The following PHF3 variants were observed in gnomAD, a reference collection of about 807,000 sequenced individuals.
PHF3 encodes PHD finger protein 3.
Under a neutral mutation model 178.4 loss-of-function variants are expected in PHF3, and 41 were observed. The observed-to-expected ratio is 0.23, with a 90% CI of 0.18 to 0.30. The LOEUF (loss-of-function observed/expected upper bound fraction) is 0.30. Among genes scored for constraint, PHF3 ranks in the 10% least tolerant of loss-of-function variants. The pLI, the probability that PHF3 is intolerant of heterozygous loss-of-function variation, is 1.00. For synonymous variants in PHF3, 842 were observed against 800.5 expected, an observed-to-expected ratio of 1.05 and a Z score of -0.88; for missense variants, 2,346 against 2,398.1, an observed-to-expected ratio of 0.98 and a Z score of 0.45.
At chr6:63,658,209 G>A (rs1765317667) in intron 2 of PHF3, among the ~76,000 whole-genome samples, 1 of 152,150 alleles carries the variant, frequency 6.6e-6, no homozygotes, top group South Asian at 2.1e-4. Context: ...AGTTAGACAA[G>A]GTTGTTCACA....
chr6:63,654,704 C>T lies in PHF3; in HGVS notation c.244+7909C>T, dbSNP rs932358399. Among the ~76,000 whole-genome samples the T allele has an allele frequency of 2.4e-4, 37 of 152,042 alleles. 3 individuals carry two copies. On this transcript the variant is annotated intron_variant, in intron 2 of 15. Coordinates refer to ENST00000262043, the MANE Select transcript of PHF3 (RefSeq NM_001370348.2). ...GAATAAAAGGGAAAGACCTAGGTCC[C>T]TTAGGCAGCAGTTAGAGGGAGGCAG...
chr6:63,669,678 A>G (rs541216391), intron 2 of PHF3, among the ~76,000 whole-genome samples: 85 of 152,308 alleles, frequency 5.6e-4, no homozygotes, highest in African/African-American at 1.9e-3. Context: ...TTCTTGAGGA[A>G]GGCTCTAGAG....
chr6:63,710,358 TTACTC>T (rs1485839394), intron 14 of PHF3, among the ~76,000 whole-genome samples: 1 of 152,184 alleles, frequency 6.6e-6, no homozygotes, highest in Non-Finnish European at 1.5e-5. Context: ...ATGGTGATTT[TTACTC>T]TAAAAGAGGG....
chr6:63,643,746 A>T (rs758527557), intron 1 of PHF3, among the ~76,000 whole-genome samples: 11 of 152,256 alleles, frequency 7.2e-5, no homozygotes, highest in Non-Finnish European at 1.5e-4. Flanking sequence ...TTCATAAGTC[A>T]TAATAGTTTT....
rs1489317884 is a variant in PHF3, at chr6:63,715,955, T to G, written c.*2247T>G. On this transcript the variant is annotated 3_prime_UTR_variant, in exon 16 of 16. Transcript: ENST00000262043. ...CCTGTTTTAAGAAAAAACCTGCTCT[T>G]TAAAAAAAGTTTTACACTTAAAAAA... 1.3e-5 allele frequency among the ~76,000 whole-genome samples: 2 copies of G among 152,050 alleles called. No homozygotes were observed.
Position 63,715,482 on chromosome 6 carries a change from T to C in PHF3, c.*1774T>C, listed in dbSNP as rs1035703559. The C allele has an allele frequency of 1.3e-5, 2 of 152,192 alleles. No homozygotes were observed. Among genetic ancestry groups the C allele is most frequent in the African/African-American group, 2.4e-5 (1 of 41,466 alleles). 9.4% of individuals were successfully genotyped at this position (152,192 alleles called of 1,614,324 possible). ...GTCAATAAATCTACCTTTACTGATA[T>C]ATCTGGTTGAGGGAATATCAGACTC... On this transcript the variant is annotated 3_prime_UTR_variant, in exon 16 of 16. Coordinates refer to ENST00000262043, the MANE Select transcript of PHF3 (RefSeq NM_001370348.2).
intron 12 of PHF3, 136 bp downstream of exon 12, chr6:63,706,360 T>A: frequency 1.5e-6 from 1 of 647,660 alleles, no homozygotes. Context: ...TCCTGTACTT[T>A]GAGATAAAAC....
In PHF3 at chr6:63,722,922, G is replaced by A. The variant is rs979454986; in HGVS notation, c.*9214G>A. Among the ~76,000 whole-genome samples, 1 of 152,168 alleles carries A rather than the reference G, an allele frequency of 6.6e-6. No individual in the cohort carries two copies. Among genetic ancestry groups the A allele is most frequent in the Non-Finnish European group, 1.5e-5 (1 of 68,026 alleles). On this transcript the variant is annotated 3_prime_UTR_variant, in exon 16 of 16. Coordinates refer to ENST00000262043, the MANE Select transcript of PHF3 (RefSeq NM_001370348.2). ...AGGGAATTTTTAGTGAGTATACTATGTCGTTACATATGTGATATTTGGTTA... is the reference window on the plus strand; with the variant it reads ...AGGGAATTTTTAGTGAGTATACTATATCGTTACATATGTGATATTTGGTTA...
chr6:63,690,660 G>A (rs934127260), intron 4 of PHF3, among the ~76,000 whole-genome samples: 1 of 152,082 alleles, frequency 6.6e-6, no homozygotes. Context: ...GATTGTTAAA[G>A]TACATACCTA....
Position 63,700,464 on chromosome 6 carries a change from C to T in PHF3, c.3097C>T (p.His1033Tyr). 1 of 1,484,346 alleles carries T rather than the reference C, an allele frequency of 6.7e-7. No homozygotes were observed. Among genetic ancestry groups the T allele is most frequent in the Non-Finnish European group, 9.4e-7 (1 of 1,068,552 alleles). The allele number at this position is 1,484,346 out of a possible 1,614,324, so 91.9% of individuals were successfully genotyped here. Residue 1033 changes from histidine (H) to tyrosine (Y), a missense_variant and splice_region_variant, in exon 9 of 16, where the codon CAT becomes TAT. His to Tyr is a moderately conservative substitution (Grantham distance 83, BLOSUM62 2). This residue lies in a region of PHF3 where 45 missense variants were observed against 87.9 expected (regional missense o/e 0.51). Transcript: ENST00000262043. The part of the protein sequence containing the change: ...LAAWRRRENR[H>Y]TIEMIEKEQR... ...TGCTTGGAGACGAAGAGAAAACAGACATGTAAGATTATCTATAAATATGCA... is the reference window on the plus strand; with the variant it reads ...TGCTTGGAGACGAAGAGAAAACAGATATGTAAGATTATCTATAAATATGCA...
Position 63,646,806 on chromosome 6 carries a change from CTTTTTTTTTTTTTT to C in PHF3, c.244+20_244+33del. The stretch of plus-strand genomic sequence containing the variant: ...TGCCTTGTTCAACAGGTAATTCTTA[CTTTTTTTTTTTTTT>C]TTTTTTTTAGTCTGCAATTTAAAAT... On this transcript the variant is annotated intron_variant, in intron 2 of 15. Transcript: ENST00000262043. 9.9e-7 allele frequency: 1 copy of C among 1,013,308 alleles called. No homozygotes were observed. The highest frequency in any genetic ancestry group is 1.2e-6 in the Non-Finnish European group (1 of 830,330). 62.8% of individuals were successfully genotyped at this position (1,013,308 alleles called of 1,614,324 possible). A position where few individuals can be genotyped will look rare whatever the true frequency, so the allele number is the denominator to read the frequency against.
At chr6:63,705,948 A>G (rs1189751071) in intron 11 of PHF3, 81 bp from the exon 12 acceptor site, 14 of 1,073,846 alleles carry the variant, frequency 1.3e-5, no homozygotes, top group Non-Finnish European at 1.8e-5. Flanking sequence ...TAGAACCTGA[A>G]TAACTTTAGA....
At chr6:63,680,834 CAG>C (rs1398990080) in intron 3 of PHF3, among the ~76,000 whole-genome samples, 1 of 152,112 alleles carries the variant, frequency 6.6e-6, no homozygotes. Flanking sequence ...CTTATGTAGA[CAG>C]ACTCCTGTTA....
chr6:63,683,254 A>G (rs770068794), intron 3 of PHF3, among the ~76,000 whole-genome samples: 27 of 151,816 alleles, frequency 1.8e-4, no homozygotes, highest in African/African-American at 6.3e-4. Flanking sequence ...CTTTTTAAAG[A>G]TTCTCACAGT....
chr6:63,700,021 T>C (rs148224980), intron 8 of PHF3, among the ~76,000 whole-genome samples: 1 of 152,348 alleles, frequency 6.6e-6, no homozygotes, highest in African/African-American at 2.4e-5. Context: ...AGCTCTTTGA[T>C]GCAGTACCTC....
At position 63,721,313 on chromosome 6, in the gene PHF3, A is replaced by T; in HGVS notation, c.*7605A>T. ...ACACAGACTGGTTACATGTATTTCC[A>T]GCCCAATCTGGCAAACATCTGCAAG... On this transcript the variant is annotated 3_prime_UTR_variant, in exon 16 of 16. Transcript: ENST00000262043. 6.4e-7 allele frequency: 1 copy of T among 1,552,050 alleles called. No homozygotes were observed. Among genetic ancestry groups the T allele is most frequent in the Non-Finnish European group, 8.7e-7 (1 of 1,147,020 alleles).
At chr6:63,704,955 A>G (rs1023338410) in intron 11 of PHF3, among the ~76,000 whole-genome samples, 1 of 152,150 alleles carries the variant, frequency 6.6e-6, no homozygotes, top group Admixed American at 6.5e-5. Flanking sequence ...TCAGTATTCT[A>G]GATTTTGGCC....
At chr6:63,680,803 C>G (rs1766402596) in intron 3 of PHF3, among the ~76,000 whole-genome samples, 1 of 152,036 alleles carries the variant, frequency 6.6e-6, no homozygotes, top group South Asian at 2.1e-4. Context: ...GAAAACACCT[C>G]TTGGAGCCTT....
chr6:63,665,880 A>G (rs749927771), intron 2 of PHF3, among the ~76,000 whole-genome samples: 6 of 152,198 alleles, frequency 3.9e-5, no homozygotes, highest in African/African-American at 9.7e-5. Flanking sequence ...TAACAATGCA[A>G]AGTGCTGAAG....
Sources: gnomAD v4.1 joint callset for allele counts (sites outside exome capture counted in the v4.1 genomes callset) on GRCh38, gnomAD v4.1.1 for gene constraint, gnomAD v4.1.1 regional missense constraint, MANE v1.5 for transcripts, NCBI Gene and HGNC (gene_info 2026-07-23, HGNC 2026-07-21) for gene names.